Variants in COQ8A observed in about 807,000 individuals in gnomAD.
COQ8A encodes coenzyme Q8A, also known as atypical kinase COQ8A, mitochondrial.
COQ8A carries 51 observed loss-of-function variants against 65.0 expected under a neutral mutation model. The observed-to-expected ratio is 0.78, with a 90% CI of 0.63 to 0.99. COQ8A has a LOEUF of 0.99. COQ8A is among the 50% of genes least tolerant of loss of function. COQ8A has a pLI of 0.00. For synonymous variants in COQ8A, 371 were observed against 353.2 expected (o/e 1.05, Z -0.57); for missense variants, 940 against 875.0 (o/e 1.07, Z -0.94).
In COQ8A at chr1:226,965,337, G is replaced by A. The variant is rs1419689649; in HGVS notation, c.515G>A (p.Gly172Asp). 2 of 1,613,146 alleles carry A rather than the reference G, an allele frequency of 1.2e-6. No individual in the cohort carries two copies. The highest frequency in any genetic ancestry group is 1.7e-6 in the Non-Finnish European group (2 of 1,179,882). Residue 172 changes from glycine to aspartate, a missense_variant, in exon 3 of 15, where the codon GGC (glycine) becomes GAC (aspartate). Physicochemically the swap from Gly to Asp is moderately conservative, Grantham distance 94. Coordinates refer to ENST00000366777, the MANE Select transcript of COQ8A (RefSeq NM_020247.5). ...FFHQDQSPVGGLTAEDIEKAR... is the reference protein window; with the variant it reads ...FFHQDQSPVGDLTAEDIEKAR... ...CACCAGGACCAATCCCCTGTTGGGG[G>A]CCTCACAGCCGAGGACATTGAGAAG...
chr1:226,984,477 T>A (rs1209702849), intron 11 of COQ8A, 71 bp from the exon 12 acceptor site: 2 of 1,418,552 alleles, frequency 1.4e-6, no homozygotes, highest in Non-Finnish European at 2.0e-6. Context: ...CAGGGGCTTC[T>A]CTGGCCCCAG....
intron 5 of COQ8A, among the ~76,000 whole-genome samples, chr1:226,979,776 C>G (rs969828517): frequency 6.6e-6 from 1 of 152,210 alleles, no homozygotes; most frequent in African/African-American, 2.4e-5. Context: ...GCGGCATGCA[C>G]GTCCTTGGAA....
intron 3 of COQ8A, 64 bp from the exon 4 acceptor site, chr1:226,965,607 G>C (rs1658515708): frequency 1.3e-6 from 2 of 1,569,834 alleles, no homozygotes; most frequent in South Asian, 2.2e-5. Flanking sequence ...GGCAACAGGA[G>C]CCTCTGAAGG....
intron 5 of COQ8A, among the ~76,000 whole-genome samples, chr1:226,978,100 G>A (rs1433786158): frequency 2.6e-5 from 3 of 116,572 alleles, no homozygotes; most frequent in South Asian, 2.9e-4. Context: ...CCGAACACCC[G>A]CACACGTCAC....
rs998135225 is a variant in COQ8A, at chr1:226,978,666, C to A, written c.730+1143C>A. Among the ~76,000 whole-genome samples the A allele has an allele frequency of 3.2e-4, 25 of 77,636 alleles. 4 individuals carry two copies. Among genetic ancestry groups the A allele is most frequent in the South Asian group, 1.0e-3 (2 of 1,986 alleles). 50.9% of individuals were successfully genotyped at this position (77,636 alleles called of 152,430 possible). On this transcript the variant is annotated intron_variant, in intron 5 of 14. Coordinates refer to ENST00000366777, the MANE Select transcript of COQ8A (RefSeq NM_020247.5). ...ACCTCCTTACCCTCCACACACCTGC[C>A]CACCTCCTTACACACCCTCCACACA...
intron 1 of COQ8A, among the ~76,000 whole-genome samples, chr1:226,950,661 T>C (rs959790352): frequency 8.5e-5 from 13 of 152,210 alleles, no homozygotes; most frequent in Non-Finnish European, 1.8e-4. Context: ...GCTGTAGTTA[T>C]CATTGGCATG....
In COQ8A at chr1:226,981,993, G is replaced by T. The variant is rs748558807; in HGVS notation, c.731-34G>T. 2.5e-6 allele frequency: 4 copies of T among 1,612,802 alleles called. No homozygotes were observed. The East Asian group carries it at 8.9e-5, about 36-fold the overall frequency. The stretch of plus-strand genomic sequence containing the variant: ...TGCCATCCCACTCCCAGACCCCCCC[G>T]AGTGCCGTGGTGACCCCTCTTGCCC... On this transcript the variant is annotated intron_variant, in intron 5 of 14. Transcript: ENST00000366777.
At chr1:226,985,147 G>T in intron 13 of COQ8A, 107 bp from the exon 14 acceptor site, 1 of 1,347,630 alleles carries the variant, frequency 7.4e-7, no homozygotes, top group Non-Finnish European at 1.1e-6. Context: ...CCCTGTGCAG[G>T]GAGAGGATGA....
chr1:226,956,940 T>C (rs1203818580), intron 1 of COQ8A, among the ~76,000 whole-genome samples: 40 of 77,658 alleles, frequency 5.2e-4, no homozygotes, highest in African/African-American at 1.2e-3. Flanking sequence ...TCCCTGGCTC[T>C]CACTCTCCCT....
At chr1:226,962,601 T>A (rs1472842245) in intron 2 of COQ8A, among the ~76,000 whole-genome samples, 1 of 152,212 alleles carries the variant, frequency 6.6e-6, no homozygotes, top group Non-Finnish European at 1.5e-5. Flanking sequence ...GTTCTGTGGA[T>A]GGCTGATTTC....
intron 1 of COQ8A, among the ~76,000 whole-genome samples, chr1:226,940,782 ATGT>A (rs1409493795): frequency 4.6e-5 from 7 of 152,114 alleles, no homozygotes; most frequent in Non-Finnish European, 7.4e-5. Flanking sequence ...CTTTCTAATA[ATGT>A]TGTTCTTCAC....
chr1:226,969,111 TC>T (rs888776103), intron 4 of COQ8A, among the ~76,000 whole-genome samples: 1 of 152,222 alleles, frequency 6.6e-6, no homozygotes, highest in African/African-American at 2.4e-5. Context: ...AGTGCAGTGA[TC>T]CGTCTATCTA....
chr1:226,984,643 C>G lies in COQ8A; in HGVS notation c.1494C>G (p.Pro498=). 1 of 1,614,068 alleles carries G rather than the reference C, an allele frequency of 6.2e-7. No homozygotes were observed. The highest frequency in any genetic ancestry group is 8.5e-7 in the Non-Finnish European group (1 of 1,179,914). The change falls in exon 12 of 15, where the codon CCC becomes CCG. Residue 498 remains proline (P), a synonymous_variant. Coordinates refer to ENST00000366777, the MANE Select transcript of COQ8A (RefSeq NM_020247.5). ...ACTGGTCCAACTTCTTCTATGACCC[C>G]CAGCAGCACAAGGTGAGCCCCAGGG... ...DPNWSNFFYD[P]QQHKVALLDF...
chr1:226,973,272 G>T (rs892953107), intron 4 of COQ8A, among the ~76,000 whole-genome samples: 11 of 152,222 alleles, frequency 7.2e-5, no homozygotes, highest in African/African-American at 2.7e-4. Context: ...CGGGAGTGTA[G>T]TTTTTTGCCT....
chr1:226,955,706 A>ATT (rs1657678225), intron 1 of COQ8A, among the ~76,000 whole-genome samples: 1 of 61,738 alleles, frequency 1.6e-5, no homozygotes, highest in African/African-American at 7.6e-5. Context: ...CCTGGCTCCC[A>ATT]CTCCCTGGTT....
At chr1:226,978,768 A>C (rs1284446210) in intron 5 of COQ8A, among the ~76,000 whole-genome samples, 1 of 85,666 alleles carries the variant, frequency 1.2e-5, no homozygotes, top group Non-Finnish European at 2.7e-5. Context: ...TCACACCCGC[A>C]TACCTCCGTA....
chr1:226,976,998 A>T (rs959240004), intron 4 of COQ8A, among the ~76,000 whole-genome samples: 6 of 152,172 alleles, frequency 3.9e-5, no homozygotes, highest in African/African-American at 1.4e-4. Flanking sequence ...CCAGTGAATT[A>T]GGGAAGTCTA....
chr1:226,956,190 ACACTCTCCCTGGCTGC>A (rs1226502270), intron 1 of COQ8A, among the ~76,000 whole-genome samples: 4 of 103,536 alleles, frequency 3.9e-5, no homozygotes, highest in East Asian at 3.0e-4. Context: ...TCCCTGATTC[ACACTCTCCCTGGCTGC>A]CACTCTCCCT....
intron 8 of COQ8A, 138 bp downstream of exon 8, chr1:226,983,172 GGCCCCA>G: frequency 7.7e-7 from 1 of 1,297,024 alleles, no homozygotes; most frequent in Non-Finnish European, 1.0e-6. Context: ...GGTGTCTTCT[GGCCCCA>G]GTGCCTGGAC....
Sources: allele counts gnomAD v4.1 joint callset (sites outside exome capture counted in the v4.1 genomes callset), GRCh38; gene constraint gnomAD v4.1.1; transcripts MANE v1.5; gene names NCBI Gene and HGNC (gene_info 2026-07-23, HGNC 2026-07-21).